Variants in MIB1 observed in about 807,000 individuals in gnomAD.
MIB1 encodes E3 ubiquitin-protein ligase MIB1.
Under a neutral mutation model 124.5 loss-of-function variants are expected in MIB1, and 278 were observed. The ratio of observed to expected loss-of-function variants is 2.23; its 90% CI spans 2.02 to 2.47. The LOEUF (loss-of-function observed/expected upper bound fraction) is 2.47, where lower values mean the gene tolerates loss of function less well. MIB1 is among the 30% of genes most tolerant of loss of function. MIB1 has a pLI of 0.00. For missense variants in MIB1, 957 were observed against 1,254.4 expected, an observed-to-expected ratio of 0.76 and a Z score of 3.58; for synonymous variants, 446 against 429.4, an observed-to-expected ratio of 1.04 and a Z score of -0.48.
chr18:21,725,785 G>GGGAAGGAAGGAAGGAAGGAAGGAA (rs35808714), intron 1 of MIB1, among the ~76,000 whole-genome samples: 5 of 150,944 alleles, frequency 3.3e-5, no homozygotes, highest in East Asian at 1.9e-4. Context: ...GAGGGAGAGA[G>GGGAAGGAAGGAAGGAAGGAAGGAA]GGAAGGAAGG....
At chr18:21,751,033 CA>C (rs1254518100) in intron 1 of MIB1, among the ~76,000 whole-genome samples, 3 of 151,634 alleles carry the variant, frequency 2.0e-5, no homozygotes, top group African/African-American at 7.3e-5. Flanking sequence ...CCCATCTCTA[CA>C]AAAAAATATA....
Position 21,857,117 on chromosome 18 carries a change from T to C in MIB1, c.2666-13T>C. 6.3e-7 allele frequency: 1 copy of C among 1,585,900 alleles called. No individual in the cohort carries two copies. The highest frequency in any genetic ancestry group is 8.7e-7 in the Non-Finnish European group (1 of 1,154,446). ...TCTCTCTTGTAAGAAGTGTCTGTGT[T>C]ACCGTTTTCCAGACTGTGCTAACCT... On this transcript the variant is annotated splice_polypyrimidine_tract_variant and intron_variant, in intron 18 of 20. Coordinates refer to ENST00000261537, the MANE Select transcript of MIB1 (RefSeq NM_020774.4).
intron 1 of MIB1, among the ~76,000 whole-genome samples, chr18:21,720,455 A>G (rs1190526998): frequency 6.6e-6 from 1 of 152,182 alleles, no homozygotes; most frequent in Non-Finnish European, 1.5e-5. Context: ...CTATAGGTCA[A>G]ACAATCTGGC....
chr18:21,825,404 G>T lies in MIB1; in HGVS notation c.1829+5758G>T, dbSNP rs1446111474. 4 of 281,466 alleles carry T rather than the reference G, an allele frequency of 1.4e-5. No homozygotes were observed. The Admixed American group carries it at 1.6e-4, about 11-fold the overall frequency. 17.4% of individuals were successfully genotyped at this position (281,466 alleles called of 1,614,324 possible). On this transcript the variant is annotated intron_variant, in intron 12 of 20. Transcript: ENST00000261537. ...TTTGAAGGAAGTTTTTGTTGTTGTT[G>T]TTATTATGAAGCATAGCCTACATTT...
At chr18:21,721,870 G>A (rs1417336102) in intron 1 of MIB1, among the ~76,000 whole-genome samples, 1 of 152,070 alleles carries the variant, frequency 6.6e-6, no homozygotes, top group African/African-American at 2.4e-5. Flanking sequence ...ACATTACTGT[G>A]GAGTGTTGGT....
chr18:21,719,299 G>A (rs1233544489), intron 1 of MIB1, among the ~76,000 whole-genome samples: 1 of 152,024 alleles, frequency 6.6e-6, no homozygotes, highest in Non-Finnish European at 1.5e-5. Context: ...TTATATCACT[G>A]CATTCCAGCC....
upstream of MIB1, among the ~76,000 whole-genome samples, chr18:21,737,075 C>A (rs2040799782): frequency 6.6e-6 from 1 of 152,088 alleles, no homozygotes; most frequent in East Asian, 1.9e-4. Context: ...TCAGATTCAC[C>A]AAGCTTGAAA....
upstream of MIB1, among the ~76,000 whole-genome samples, chr18:21,736,314 CAGAA>C (rs906985746): frequency 6.6e-6 from 1 of 152,166 alleles, no homozygotes; most frequent in African/African-American, 2.4e-5. Flanking sequence ...AACTAACAAA[CAGAA>C]AGGAATAGTA....
intron 6 of MIB1, among the ~76,000 whole-genome samples, chr18:21,784,235 G>A (rs142552810): frequency 1.2e-4 from 18 of 151,974 alleles, no homozygotes; most frequent in Non-Finnish European, 2.4e-4. Context: ...TTTTAGTAGA[G>A]AGGGGGTTTC....
chr18:21,808,674 G>A (rs924317146), intron 10 of MIB1, among the ~76,000 whole-genome samples: 1 of 152,122 alleles, frequency 6.6e-6, no homozygotes, highest in African/African-American at 2.4e-5. Context: ...ACTGAATTCA[G>A]TAGGATTACA....
intron 1 of MIB1, among the ~76,000 whole-genome samples, chr18:21,715,417 C>A (rs1428747004): frequency 6.6e-6 from 1 of 152,064 alleles, no homozygotes; most frequent in Non-Finnish European, 1.5e-5. Flanking sequence ...TGAGAAGGAA[C>A]CAGAAAACCA....
intron 12 of MIB1, chr18:21,829,279 C>T (rs1285657895): frequency 3.2e-6 from 1 of 313,852 alleles, no homozygotes; most frequent in African/African-American, 2.3e-5. Flanking sequence ...CATAGACATT[C>T]CTAAGCATTT....
At chr18:21,740,490 G>C (rs891173694), upstream of MIB1, among the ~76,000 whole-genome samples, 39 of 152,332 alleles carry the variant, frequency 2.6e-4, no homozygotes, top group South Asian at 1.4e-3. Flanking sequence ...CGTTAAAAAA[G>C]AAGACTAAAA....
At chr18:21,851,428 T>C (rs560913188) in intron 17 of MIB1, among the ~76,000 whole-genome samples, 43 of 152,234 alleles carry the variant, frequency 2.8e-4, no homozygotes, top group Admixed American at 7.2e-4. Flanking sequence ...ATCTTATAAA[T>C]TTATAATCTA....
chr18:21,764,345 T>C (rs1420750026), intron 1 of MIB1, among the ~76,000 whole-genome samples: 1 of 152,086 alleles, frequency 6.6e-6, no homozygotes, highest in Admixed American at 6.6e-5. Flanking sequence ...GTTTGGCCCT[T>C]TGTTTAGAAT....
intron 1 of MIB1, among the ~76,000 whole-genome samples, chr18:21,734,403 C>T (rs749449291): frequency 1.6e-4 from 25 of 152,164 alleles, no homozygotes; most frequent in Admixed American, 3.3e-4. Flanking sequence ...ACGTGCCTGG[C>T]TGTTCCTGCT....
upstream of MIB1, among the ~76,000 whole-genome samples, chr18:21,739,748 T>C (rs1251995028): frequency 1.4e-4 from 21 of 151,884 alleles, no homozygotes. Flanking sequence ...CGCTCATCTC[T>C]GCCAAAAATA....
intron 16 of MIB1, among the ~76,000 whole-genome samples, chr18:21,848,503 T>A (rs1457492569): frequency 1.3e-5 from 2 of 152,106 alleles, no homozygotes; most frequent in African/African-American, 4.8e-5. Flanking sequence ...ATTATTGCAG[T>A]AATAACTTTT....
At chr18:21,801,509 T>G (rs992534253) in intron 9 of MIB1, among the ~76,000 whole-genome samples, 1 of 152,132 alleles carries the variant, frequency 6.6e-6, no homozygotes, top group African/African-American at 2.4e-5. Context: ...AAGTATAATT[T>G]CCATACAGTG....
Sources: allele counts gnomAD v4.1 joint callset (sites outside exome capture counted in the v4.1 genomes callset), GRCh38; gene constraint gnomAD v4.1.1; transcripts MANE v1.5; gene names NCBI Gene and HGNC (gene_info 2026-07-23, HGNC 2026-07-21).